DLG2: variants seen among roughly 807,000 people sequenced by gnomAD.
DLG2 encodes the protein disks large homolog 2.
Under a neutral mutation model 132.5 loss-of-function variants are expected in DLG2, and 45 were observed. That is an observed-to-expected ratio of 0.34 (90% CI 0.27 to 0.44). The LOEUF (loss-of-function observed/expected upper bound fraction) is 0.44. Among genes scored for constraint, DLG2 ranks in the 20% least tolerant of loss-of-function variants. DLG2 has a pLI of 1.00. For missense variants in DLG2, 1,045 were observed against 1,196.9 expected (o/e 0.87, Z 1.87); for synonymous variants, 424 against 419.6 (o/e 1.01, Z -0.13).
chr11:84,081,523 T>C (rs915061884), intron 10 of DLG2, among the ~76,000 whole-genome samples: 2 of 152,172 alleles, frequency 1.3e-5, no homozygotes, highest in African/African-American at 4.8e-5. Flanking sequence ...CCCCACACTG[T>C]GTCCAAGTGT....
At chr11:84,600,151 A>AGAAG (rs1555082704) in intron 6 of DLG2, among the ~76,000 whole-genome samples, 2 of 109,922 alleles carry the variant, frequency 1.8e-5, no homozygotes, top group Non-Finnish European at 3.8e-5. Context: ...AAGGAAAGAA[A>AGAAG]GAAAGAAGGA....
intron 3 of DLG2, among the ~76,000 whole-genome samples, chr11:85,383,964 A>G (rs1179709067): frequency 6.6e-6 from 1 of 152,136 alleles, no homozygotes; most frequent in East Asian, 1.9e-4. Context: ...CTACTCGTCA[A>G]TGTTTGAAAT....
chr11:85,338,510 A>T (rs1489624372), intron 3 of DLG2, among the ~76,000 whole-genome samples: 5 of 152,046 alleles, frequency 3.3e-5, no homozygotes, highest in African/African-American at 1.2e-4. Flanking sequence ...TGTGGGTTCA[A>T]TCTATATCCT....
At chr11:84,982,999 C>G (rs1406156716) in intron 6 of DLG2, among the ~76,000 whole-genome samples, 1 of 152,076 alleles carries the variant, frequency 6.6e-6, no homozygotes, top group Non-Finnish European at 1.5e-5. Context: ...ATGGTTTTCC[C>G]CTAAGGTTGA....
chr11:85,499,999 G>C (rs542647799), intron 3 of DLG2, among the ~76,000 whole-genome samples: 2 of 152,106 alleles, frequency 1.3e-5, no homozygotes, highest in African/African-American at 4.8e-5. Context: ...CACACTGAAT[G>C]GGCAAAAGCT....
intron 6 of DLG2, among the ~76,000 whole-genome samples, chr11:84,822,242 A>G (rs1566058262): frequency 6.6e-6 from 1 of 151,678 alleles, no homozygotes; most frequent in Non-Finnish European, 1.5e-5. Flanking sequence ...AAACTAATTA[A>G]CTCCTCCTCC....
intron 6 of DLG2, among the ~76,000 whole-genome samples, chr11:84,628,224 G>A (rs912954509): frequency 6.6e-6 from 1 of 151,892 alleles, no homozygotes; most frequent in African/African-American, 2.4e-5. Flanking sequence ...CACAGATTAG[G>A]AGCCCAATAT....
At chr11:83,852,974 A>G (rs528935907) in intron 16 of DLG2, among the ~76,000 whole-genome samples, 30 of 152,302 alleles carry the variant, frequency 2.0e-4, no homozygotes, top group African/African-American at 7.2e-4. Context: ...AAAGTTATTC[A>G]TTAACTATTT....
At chr11:85,304,697 C>T (rs940183224) in intron 3 of DLG2, among the ~76,000 whole-genome samples, 10 of 151,988 alleles carry the variant, frequency 6.6e-5, no homozygotes, top group African/African-American at 1.7e-4. Context: ...AAAGCATTTC[C>T]GATAAACGAT....
chr11:84,138,747 G>A (rs2094710108), intron 9 of DLG2, among the ~76,000 whole-genome samples: 1 of 152,054 alleles, frequency 6.6e-6, no homozygotes, highest in Admixed American at 6.6e-5. Flanking sequence ...TCAGGAGTTC[G>A]AGATGAGCCT....
At chr11:85,249,487 G>C (rs925354408) in intron 4 of DLG2, among the ~76,000 whole-genome samples, 1 of 151,874 alleles carries the variant, frequency 6.6e-6, no homozygotes, top group African/African-American at 2.4e-5. Context: ...TGCCCTCCTT[G>C]TAGGCTTAAA....
At chr11:83,517,968 A>C (rs2095353169) in intron 21 of DLG2, among the ~76,000 whole-genome samples, 1 of 152,214 alleles carries the variant, frequency 6.6e-6, no homozygotes, top group Non-Finnish European at 1.5e-5. Flanking sequence ...CTCGGGGGTC[A>C]GGGACCCACT....
At chr11:83,981,330 C>G (rs1217680035) in intron 11 of DLG2, among the ~76,000 whole-genome samples, 1 of 151,444 alleles carries the variant, frequency 6.6e-6, no homozygotes, top group African/African-American at 2.4e-5. Flanking sequence ...TGAGACTAGT[C>G]ACACAAAAAA....
chr11:85,086,166 T>G (rs932452119), intron 6 of DLG2, among the ~76,000 whole-genome samples: 1 of 152,134 alleles, frequency 6.6e-6, no homozygotes, highest in Non-Finnish European at 1.5e-5. Flanking sequence ...ATACTTGAGA[T>G]CTCATTTAGG....
intron 6 of DLG2, among the ~76,000 whole-genome samples, chr11:84,839,537 A>G (rs949804584): frequency 6.6e-6 from 1 of 152,100 alleles, no homozygotes; most frequent in African/African-American, 2.4e-5. Flanking sequence ...CATTGCCAAG[A>G]CAATCCTAAG....
chr11:84,863,452 A>C (rs2084064838), intron 6 of DLG2, among the ~76,000 whole-genome samples: 1 of 152,182 alleles, frequency 6.6e-6, no homozygotes, highest in African/African-American at 2.4e-5. Flanking sequence ...TTTGTTGTAG[A>C]AAATGGAAAC....
chr11:84,660,302 T>C (rs1297480282), intron 6 of DLG2, among the ~76,000 whole-genome samples: 1 of 152,154 alleles, frequency 6.6e-6, no homozygotes, highest in Non-Finnish European at 1.5e-5. Flanking sequence ...TAATGTTAAA[T>C]TCTTCATTAC....
intron 3 of DLG2, among the ~76,000 whole-genome samples, chr11:85,373,927 G>A (rs1475520352): frequency 6.6e-6 from 1 of 152,070 alleles, no homozygotes; most frequent in Non-Finnish European, 1.5e-5. Context: ...AGCTCCTGTG[G>A]ATCAGTGGAG....
chr11:85,371,110 C>T (rs762390033), intron 3 of DLG2, among the ~76,000 whole-genome samples: 1 of 151,756 alleles, frequency 6.6e-6, no homozygotes, highest in African/African-American at 2.4e-5. Flanking sequence ...AGCTATAGAA[C>T]TTTAACAGGT....
Sources: gnomAD v4.1 joint callset for allele counts (sites outside exome capture counted in the v4.1 genomes callset) on GRCh38, gnomAD v4.1.1 for gene constraint, MANE v1.5 for transcripts, NCBI Gene and HGNC (gene_info 2026-07-23, HGNC 2026-07-21) for gene names.